CREB5: variants seen among roughly 807,000 people sequenced by gnomAD.
CREB5 encodes cAMP responsive element binding protein 5.
CREB5 carries 19 observed loss-of-function variants against 57.1 expected under a neutral mutation model. That is an observed-to-expected ratio of 0.33 (90% CI 0.23 to 0.49). The LOEUF (loss-of-function observed/expected upper bound fraction) is 0.49, where lower values mean the gene tolerates loss of function less well. CREB5 is among the 20% of genes least tolerant of loss of function. CREB5 has a pLI of 0.99. For missense variants in CREB5, 579 were observed against 671.6 expected (o/e 0.86, Z 1.52); for synonymous variants, 238 against 238.3 (o/e 1.00, Z 0.01).
intron 1 of CREB5, among the ~76,000 whole-genome samples, chr7:28,322,616 G>A (rs1164724352): frequency 6.6e-6 from 1 of 150,936 alleles, no homozygotes; most frequent in Non-Finnish European, 1.5e-5. Flanking sequence ...TCCCCGACAG[G>A]CTCTGGTGTA....
chr7:28,622,466 A>G (rs1393393722), intron 5 of CREB5, among the ~76,000 whole-genome samples: 6 of 152,242 alleles, frequency 3.9e-5, no homozygotes, highest in African/African-American at 1.2e-4. Flanking sequence ...GCAAAGGCGT[A>G]GAAAGAACAA....
At chr7:28,559,052 G>A (rs1794978906) in intron 4 of CREB5, among the ~76,000 whole-genome samples, 1 of 152,132 alleles carries the variant, frequency 6.6e-6, no homozygotes, top group South Asian at 2.1e-4. Context: ...ACACTACACA[G>A]GTGTGAGAGC....
intron 9 of CREB5, among the ~76,000 whole-genome samples, chr7:28,817,556 A>G (rs934924831): frequency 1.3e-5 from 2 of 152,238 alleles, no homozygotes; most frequent in Non-Finnish European, 2.9e-5. Context: ...TGCGCCTCAT[A>G]TTCACATTCT....
intron 1 of CREB5, among the ~76,000 whole-genome samples, chr7:28,465,838 T>C (rs1162829893): frequency 6.6e-6 from 1 of 152,228 alleles, no homozygotes; most frequent in Non-Finnish European, 1.5e-5. Flanking sequence ...TGTCCATTTA[T>C]GTCAGCCTGC....
upstream of CREB5, chr7:28,410,404 T>C (rs1259565071): frequency 2.2e-6 from 1 of 456,700 alleles, no homozygotes; most frequent in Admixed American, 2.3e-5. Flanking sequence ...CTGCGGCAGA[T>C]TCTCGGCAGA....
At chr7:28,389,042 A>G (rs1272681921) in intron 1 of CREB5, among the ~76,000 whole-genome samples, 1 of 152,174 alleles carries the variant, frequency 6.6e-6, no homozygotes, top group Non-Finnish European at 1.5e-5. Context: ...GAGAGGAACT[A>G]TTTGTAGTAA....
At position 28,819,267 on chromosome 7, in the gene CREB5, T is replaced by G. The variant is rs540138550; in HGVS notation, c.1515T>G (p.Asn505Lys). ...TCACCACTCACAGAACAGACCTGAA[T>G]CCGATTCTTTAAAATGCACCATCAG... ...SQLTTHRTDL[N>K]PIL Residue 505 changes from asparagine (N) to lysine (K), a missense_variant, in exon 11 of 11, where the codon AAT (asparagine) becomes AAG (lysine). Physicochemically the swap from Asn to Lys is moderately conservative, Grantham distance 94 (BLOSUM62 0). Coordinates refer to ENST00000357727, the MANE Select transcript of CREB5 (RefSeq NM_182898.4). 1 of 1,613,126 alleles carries G rather than the reference T, an allele frequency of 6.2e-7. No individual in the cohort carries two copies. Among genetic ancestry groups the G allele is most frequent in the Non-Finnish European group, 8.5e-7 (1 of 1,179,550 alleles).
At chr7:28,383,209 G>A (rs746171832) in intron 1 of CREB5, among the ~76,000 whole-genome samples, 5 of 152,178 alleles carry the variant, frequency 3.3e-5, no homozygotes, top group Non-Finnish European at 7.3e-5. Context: ...TGTTAATGGT[G>A]AGAAAGATGG....
intron 4 of CREB5, among the ~76,000 whole-genome samples, chr7:28,537,403 A>G (rs1158393622): frequency 2.6e-5 from 4 of 151,722 alleles, no homozygotes; most frequent in African/African-American, 7.3e-5. Flanking sequence ...ATAGCACAGT[A>G]TATGCAATTA....
At chr7:28,587,285 G>C (rs574198204) in intron 5 of CREB5, among the ~76,000 whole-genome samples, 1 of 152,314 alleles carries the variant, frequency 6.6e-6, no homozygotes, top group East Asian at 1.9e-4. Context: ...CATTTGTCAT[G>C]ATTGCTGGCA....
chr7:28,755,311 G>A (rs140621428), intron 7 of CREB5, among the ~76,000 whole-genome samples: 2 of 152,208 alleles, frequency 1.3e-5, no homozygotes, highest in African/African-American at 4.8e-5. Flanking sequence ...GAAGGGTATT[G>A]GTGCCGTATT....
intron 8 of CREB5, among the ~76,000 whole-genome samples, chr7:28,808,712 C>CTTTTT (rs59374546): frequency 4.8e-4 from 40 of 83,200 alleles, no homozygotes; most frequent in East Asian, 9.8e-4. Flanking sequence ...CCAATTTTTC[C>CTTTTT]TTTTTTTTTT....
intron 5 of CREB5, among the ~76,000 whole-genome samples, chr7:28,592,780 C>A (rs528024454): frequency 6.6e-6 from 1 of 152,304 alleles, no homozygotes; most frequent in East Asian, 1.9e-4. Context: ...TTGATGTGTT[C>A]TATGTGCCAG....
At chr7:28,549,705 T>A (rs1386707878) in intron 4 of CREB5, among the ~76,000 whole-genome samples, 4 of 152,226 alleles carry the variant, frequency 2.6e-5, no homozygotes, top group African/African-American at 9.6e-5. Flanking sequence ...GCCTGTTTTT[T>A]TTTTAACATC....
rs1456403536 is a variant in CREB5 at position 28,577,495 on chromosome 7, A to G, written c.464+6958A>G. Among the ~76,000 whole-genome samples, 3 of 152,340 alleles carry G rather than the reference A, an allele frequency of 2.0e-5. No individual in the cohort carries two copies. In the East Asian group the frequency reaches 5.8e-4, roughly 29 times the overall value. On this transcript the variant is annotated intron_variant, in intron 5 of 10. Transcript: ENST00000357727. ...CTTCTCTTTGTCAGGTGCTGTTTACAAGGCACATCTCTACTAGTTTGGCAT... is the reference window on the plus strand; with the variant it reads ...CTTCTCTTTGTCAGGTGCTGTTTACGAGGCACATCTCTACTAGTTTGGCAT...
chr7:28,417,574 A>G (rs1228980527), intron 1 of CREB5, among the ~76,000 whole-genome samples: 3 of 152,160 alleles, frequency 2.0e-5, no homozygotes, highest in Admixed American at 6.5e-5. Flanking sequence ...TTCCACTCTG[A>G]CATTCTGATT....
At chr7:28,671,275 A>T (rs1343103627) in intron 5 of CREB5, among the ~76,000 whole-genome samples, 1 of 150,028 alleles carries the variant, frequency 6.7e-6, no homozygotes, top group East Asian at 2.0e-4. Context: ...AAAAAAAAAA[A>T]GTGTGTACTA....
chr7:28,561,325 A>G (rs923710964), intron 4 of CREB5, among the ~76,000 whole-genome samples: 9 of 152,208 alleles, frequency 5.9e-5, no homozygotes, highest in Admixed American at 5.9e-4. Context: ...TATATATACC[A>G]GTGTGTTCTA....
At chr7:28,711,543 AATATGGGTCAGGC>A (rs1802400009) in intron 5 of CREB5, among the ~76,000 whole-genome samples, 1 of 152,216 alleles carries the variant, frequency 6.6e-6, no homozygotes, top group African/African-American at 2.4e-5. Context: ...GTCTTTTAAA[AATATGGGTCAGGC>A]AGCTTTCTCG....
Sources: allele counts gnomAD v4.1 joint callset (sites outside exome capture counted in the v4.1 genomes callset), GRCh38; gene constraint gnomAD v4.1.1; transcripts MANE v1.5; gene names NCBI Gene and HGNC (gene_info 2026-07-23, HGNC 2026-07-21).